Variants in EIF2AK1 observed in about 807,000 individuals in gnomAD.
EIF2AK1 encodes eukaryotic translation initiation factor 2-alpha kinase 1.
Under a neutral mutation model 77.9 loss-of-function variants are expected in EIF2AK1, and 54 were observed. The ratio of observed to expected loss-of-function variants is 0.69; its 90% confidence interval spans 0.56 to 0.87. The LOEUF is 0.87. EIF2AK1 is among the 40% of genes least tolerant of loss of function. The pLI is 0.00. For missense variants in EIF2AK1, 810 were observed against 768.6 expected (o/e 1.05, Z -0.64); for synonymous variants, 314 against 290.5 (o/e 1.08, Z -0.82).
At chr7:6,051,149 G>A (rs923483551) in intron 2 of EIF2AK1, among the ~76,000 whole-genome samples, 1 of 152,066 alleles carries the variant, frequency 6.6e-6, no homozygotes, top group African/African-American at 2.4e-5. Context: ...CATACAAAGA[G>A]CCCATGGTAC....
At chr7:6,057,911 G>T (rs1048326252) in intron 1 of EIF2AK1, among the ~76,000 whole-genome samples, 4 of 152,100 alleles carry the variant, frequency 2.6e-5, no homozygotes, top group Admixed American at 2.6e-4. Context: ...TTACAGGCGT[G>T]ACCCCACTGG....
intron 11 of EIF2AK1, chr7:6,031,734 T>G: frequency 5.1e-6 from 4 of 787,870 alleles, no homozygotes; most frequent in Non-Finnish European, 6.0e-6. Flanking sequence ...CACACTGCAG[T>G]GCTCCCCAAA....
intron 1 of EIF2AK1, among the ~76,000 whole-genome samples, chr7:6,055,575 C>T (rs1022240352): frequency 6.6e-6 from 1 of 151,706 alleles, no homozygotes; most frequent in Non-Finnish European, 1.5e-5. Flanking sequence ...GAACCCCATC[C>T]TCTTTGCACT....
chr7:6,031,682 C>T lies in EIF2AK1; in HGVS notation c.1333-2650G>A, dbSNP rs73331369. 8,335 of 1,300,440 alleles carry T rather than the reference C, an allele frequency of 6.4e-3. 437 individuals are homozygous for T. In the African/African-American group the frequency reaches 0.11, roughly 17 times the overall value. 80.6% of individuals were successfully genotyped at this position (1,300,440 alleles called of 1,614,324 possible). On this transcript the variant is annotated intron_variant, in intron 11 of 14. Transcript: ENST00000199389. The stretch of plus-strand genomic sequence containing the variant: ...AAAGCTGGTGAACCCACTAAGCTCA[C>T]GGCCCTTATGAGAATGAGACACGAC...
Position 6,028,611 on chromosome 7 carries a change from C to A in EIF2AK1, c.1530+4G>T, listed in dbSNP as rs1159313380. 1 of 1,613,984 alleles carries A rather than the reference C, an allele frequency of 6.2e-7. No individual in the cohort carries two copies. The highest frequency in any genetic ancestry group is 1.7e-5 in the Admixed American group (1 of 60,016). The stretch of plus-strand genomic sequence containing the variant: ...ATGAAAGGGCAGAAAGCAACAAATA[C>A]TACCTTGGCATCATACTCAGATCCT... On this transcript the variant is annotated splice_donor_region_variant and intron_variant, in intron 13 of 14. Coordinates refer to ENST00000199389, the MANE Select transcript of EIF2AK1 (RefSeq NM_014413.4).
At chr7:6,049,766 C>A (rs1376581628) in intron 3 of EIF2AK1, 146 bp downstream of exon 3, 2 of 723,964 alleles carry the variant, frequency 2.8e-6, no homozygotes, top group Non-Finnish European at 4.3e-6. Context: ...GGGATTAAGG[C>A]ATGAGCCACA....
chr7:6,044,768 G>A (rs1185752748), intron 6 of EIF2AK1, 107 bp from the exon 7 acceptor site: 3 of 882,876 alleles, frequency 3.4e-6, no homozygotes, highest in Non-Finnish European at 5.3e-6. Flanking sequence ...GACTTACAAT[G>A]GTATGAAGAC....
At chr7:6,054,435 C>T (rs1788693804) in intron 2 of EIF2AK1, 111 bp downstream of exon 2, 2 of 1,190,272 alleles carry the variant, frequency 1.7e-6, no homozygotes, top group South Asian at 3.0e-5. Flanking sequence ...ATCTCCGGAC[C>T]TCGGGTGATC....
rs1163802063 is a variant in EIF2AK1 at position 6,024,024 on chromosome 7, A to T, written c.*649T>A. On this transcript the variant is annotated 3_prime_UTR_variant, in exon 15 of 15. Transcript: ENST00000199389. Reference sequence around the variant, plus strand: ...GAAGTACCGGGGAACAGTGCAGGGCAAAGGCAGGAAAGAGATCTGAGCTGC... The same window carrying T: ...GAAGTACCGGGGAACAGTGCAGGGCTAAGGCAGGAAAGAGATCTGAGCTGC... 2 of 1,321,878 alleles carry T rather than the reference A, an allele frequency of 1.5e-6. No individual in the cohort carries two copies. The highest frequency in any genetic ancestry group is 4.5e-5 in the Admixed American group (2 of 44,412). 81.9% of individuals were successfully genotyped at this position (1,321,878 alleles called of 1,614,324 possible).
chr7:6,046,806 G>A, intron 5 of EIF2AK1, 186 bp downstream of exon 5: 2 of 493,572 alleles, frequency 4.1e-6, no homozygotes, highest in Middle Eastern at 5.7e-4. Flanking sequence ...GGAGGCTGAG[G>A]CAGAAGAATC....
rs1184517750 is a variant in EIF2AK1 at position 6,038,579 on chromosome 7, C to A, written c.1212G>T (p.Glu404Asp). 6.2e-7 allele frequency: 1 copy of A among 1,612,892 alleles called. No homozygotes were observed. Among genetic ancestry groups the A allele is most frequent in the Non-Finnish European group, 8.5e-7 (1 of 1,179,394 alleles). Residue 404 changes from glutamate to aspartate, a missense_variant, in exon 10 of 15, where the codon GAG (glutamate) becomes GAT (aspartate). By Grantham distance (45) the Glu-to-Asp change is conservative. Around this residue, in one of 3 missense-constraint regions of EIF2AK1, gnomAD observed 549 missense variants for 533.7 expected, o/e 1.03. Transcript: ENST00000199389. ...WIVERNKRGR[E>D]YVDESACPYV... ...ACTCACAGGCAGACTCGTCCACATA[C>A]TCCCGGCCCCGCTTGTTTCTCTCGA...
chr7:6,037,848 G>A (rs1020859413), intron 10 of EIF2AK1, among the ~76,000 whole-genome samples: 7 of 151,336 alleles, frequency 4.6e-5, no homozygotes, highest in Non-Finnish European at 7.4e-5. Context: ...AACTAGAGTC[G>A]ATAAAGTTTA....
intron 7 of EIF2AK1, among the ~76,000 whole-genome samples, chr7:6,044,348 G>T (rs1010889881): frequency 1.3e-5 from 2 of 151,728 alleles, no homozygotes; most frequent in Non-Finnish European, 2.9e-5. Context: ...GCGGGCACCT[G>T]TAGCCCCAGC....
chr7:6,036,969 T>TGTAA lies in EIF2AK1; in HGVS notation c.1332+451_1332+454dup, dbSNP rs1305356065. ...ATAACCAAGTGCAGTGGCTCACACC[T>TGTAA]GTAACCCCAGCACTTTGGGAGGTCA... is the stretch of plus-strand genomic sequence containing the variant. On this transcript the variant is annotated intron_variant, in intron 11 of 14. Coordinates refer to ENST00000199389, the MANE Select transcript of EIF2AK1 (RefSeq NM_014413.4). This position sits in a 1 kb window ranked among gnomAD's most constrained non-coding sequence, Gnocchi z 4.6. 6.6e-5 allele frequency among the ~76,000 whole-genome samples: 10 copies of TGTAA among 152,212 alleles called. No individual in the cohort carries two copies. The East Asian group carries it at 1.9e-3, about 29-fold the overall frequency.
chr7:6,032,977 T>C lies in EIF2AK1; in HGVS notation c.1333-3945A>G. ...CGAAAATCATTTCTTTTTTTTTCTT[T>C]TTTGTTTTGAGGCAGGGGTCTCGCT... On this transcript the variant is annotated intron_variant, in intron 11 of 14. Coordinates refer to ENST00000199389, the MANE Select transcript of EIF2AK1 (RefSeq NM_014413.4). The surrounding 1 kb of genome is among the most constrained non-coding windows in gnomAD (Gnocchi z 4.3). 1 of 1,517,878 alleles carries C rather than the reference T, an allele frequency of 6.6e-7. No homozygotes were observed. Among genetic ancestry groups the C allele is most frequent in the Non-Finnish European group, 8.9e-7 (1 of 1,121,094 alleles). 94.0% of individuals were successfully genotyped at this position (1,517,878 alleles called of 1,614,324 possible).
At chr7:6,034,902 C>T (rs575235999) in intron 11 of EIF2AK1, among the ~76,000 whole-genome samples, 52 of 152,228 alleles carry the variant, frequency 3.4e-4, no homozygotes, top group African/African-American at 1.2e-3. Context: ...TACACACTCA[C>T]GCAGAAAAAT....
intron 11 of EIF2AK1, among the ~76,000 whole-genome samples, chr7:6,029,623 A>T (rs1787844296): frequency 6.6e-6 from 1 of 152,192 alleles, no homozygotes; most frequent in Non-Finnish European, 1.5e-5. Context: ...ATTAATGTAG[A>T]GCATGCTTTG....
At chr7:6,041,874 C>T (rs1210699035) in intron 8 of EIF2AK1, among the ~76,000 whole-genome samples, 2 of 148,924 alleles carry the variant, frequency 1.3e-5, no homozygotes, top group Non-Finnish European at 3.0e-5. Context: ...ATAGGTCTGG[C>T]ACAATGGCTC....
intron 4 of EIF2AK1, 111 bp downstream of exon 4, chr7:6,048,696 A>G (rs1788513211): frequency 2.2e-6 from 2 of 893,928 alleles, no homozygotes; most frequent in Admixed American, 6.2e-5. Context: ...CAAAGTTTTT[A>G]ATGTTCATAA....
Sources: allele counts gnomAD v4.1 joint callset (sites outside exome capture counted in the v4.1 genomes callset), GRCh38; gene constraint gnomAD v4.1.1; regional missense constraint gnomAD v4.1.1; non-coding constraint Gnocchi (gnomAD v3.1); transcripts MANE v1.5; gene names NCBI Gene and HGNC (gene_info 2026-07-23, HGNC 2026-07-21).